Variants in CLEC16A observed in about 807,000 individuals in gnomAD.
CLEC16A encodes the protein protein CLEC16A.
A neutral mutation model predicts 109.5 loss-of-function variants in CLEC16A; 51 were observed. That is an observed-to-expected ratio of 0.47 (90% CI 0.37 to 0.59). The LOEUF is 0.59. Among genes scored for constraint, CLEC16A ranks in the 20% least tolerant of loss-of-function variants. CLEC16A has a pLI of 0.00. For synonymous variants in CLEC16A, 673 were observed against 564.2 expected (o/e 1.19, Z -2.73); for missense variants, 1,339 against 1,394.0 (o/e 0.96, Z 0.63).
intron 19 of CLEC16A, among the ~76,000 whole-genome samples, chr16:11,116,397 AAAAAGAAAAG>A (rs139087445): frequency 0.22 from 32,975 of 151,522 alleles, 3,624 homozygotes; most frequent in East Asian, 0.27. Context: ...TGTCTAAAAG[AAAAAGAAAAG>A]AAAAAAAAAG....
At chr16:10,945,079 A>T (rs1259455803) in intron 1 of CLEC16A, among the ~76,000 whole-genome samples, 1 of 152,218 alleles carries the variant, frequency 6.6e-6, no homozygotes, top group Admixed American at 6.5e-5. Context: ...ATGGACACAG[A>T]CTTTGTTCTT....
chr16:10,963,616 G>C (rs1419074149), intron 3 of CLEC16A, among the ~76,000 whole-genome samples: 1 of 152,204 alleles, frequency 6.6e-6, no homozygotes, highest in East Asian at 1.9e-4. Context: ...CCCAGCTAGT[G>C]AGTGTGTGAC....
At chr16:11,099,133 C>T (rs2152980472) in intron 19 of CLEC16A, among the ~76,000 whole-genome samples, 1 of 152,258 alleles carries the variant, frequency 6.6e-6, no homozygotes, top group East Asian at 1.9e-4. Context: ...CAGAGCGCCC[C>T]ATTCCTTCCA....
At chr16:11,159,527 A>T (rs1230339576) in intron 22 of CLEC16A, among the ~76,000 whole-genome samples, 2 of 152,266 alleles carry the variant, frequency 1.3e-5, no homozygotes, top group Admixed American at 6.5e-5. Context: ...CATCTCATGT[A>T]TAAATTGGAG....
At chr16:10,969,051 C>A in intron 3 of CLEC16A, 110 bp from the exon 4 acceptor site, 2 of 844,990 alleles carry the variant, frequency 2.4e-6, no homozygotes, top group Non-Finnish European at 3.6e-6. Flanking sequence ...TTAATCCCAG[C>A]AACCCAGAGG....
intron 22 of CLEC16A, among the ~76,000 whole-genome samples, chr16:11,157,773 C>T (rs1022613811): frequency 1.3e-5 from 2 of 152,244 alleles, no homozygotes; most frequent in African/African-American, 4.8e-5. Context: ...GCCCCCAACA[C>T]GTGCTCTTTG....
chr16:11,075,093 G>GA (rs1168659811), intron 19 of CLEC16A, among the ~76,000 whole-genome samples: 1 of 152,114 alleles, frequency 6.6e-6, no homozygotes, highest in African/African-American at 2.4e-5. Context: ...CCTATCTCAA[G>GA]AAAAAATATC....
At chr16:11,075,073 C>T (rs765567497) in intron 19 of CLEC16A, among the ~76,000 whole-genome samples, 1 of 152,130 alleles carries the variant, frequency 6.6e-6, no homozygotes, top group African/African-American at 2.4e-5. Flanking sequence ...CCTGGGCAAT[C>T]GAGCAAGACC....
intron 9 of CLEC16A, among the ~76,000 whole-genome samples, chr16:10,981,675 A>G (rs527658878): frequency 6.6e-6 from 1 of 152,218 alleles, no homozygotes; most frequent in Non-Finnish European, 1.5e-5. Flanking sequence ...TTTTTTAAAC[A>G]ACGTTTTTTA....
intron 23 of CLEC16A, among the ~76,000 whole-genome samples, chr16:11,167,632 C>G (rs929648575): frequency 1.4e-4 from 22 of 152,206 alleles, no homozygotes; most frequent in African/African-American, 5.3e-4. Flanking sequence ...CACCCCAACC[C>G]ACCTGTGTCT....
intron 22 of CLEC16A, among the ~76,000 whole-genome samples, chr16:11,158,437 T>C (rs1473892811): frequency 6.6e-6 from 1 of 152,216 alleles, no homozygotes; most frequent in Non-Finnish European, 1.5e-5. Context: ...AGGTTTTTCT[T>C]AGGGCAGGCA....
At chr16:11,158,924 A>G (rs77471423) in intron 22 of CLEC16A, among the ~76,000 whole-genome samples, 2,308 of 75,310 alleles carry the variant, frequency 0.031, 50 homozygotes, top group African/African-American at 0.11. Context: ...CAGCTCAGGG[A>G]AAAAAAAAAA....
chr16:11,027,812 A>G (rs1434030623), intron 13 of CLEC16A: 3 of 812,496 alleles, frequency 3.7e-6, no homozygotes, highest in African/African-American at 3.4e-5. Context: ...AAGTGGAAGC[A>G]TGTGTTTTGT....
chr16:11,017,634 T>C (rs374170950), intron 11 of CLEC16A, among the ~76,000 whole-genome samples: 2 of 152,166 alleles, frequency 1.3e-5, no homozygotes, highest in East Asian at 3.9e-4. Context: ...TGGCCAAGTA[T>C]TGGAGATTAA....
At chr16:10,978,641 T>C (rs1042026151) in intron 8 of CLEC16A, among the ~76,000 whole-genome samples, 2 of 152,164 alleles carry the variant, frequency 1.3e-5, no homozygotes, top group Non-Finnish European at 2.9e-5. Flanking sequence ...TTTCCTCTTA[T>C]TTCCTGAGAG....
At chr16:11,120,811 A>AAC (rs3217121) in intron 20 of CLEC16A, 45 bp downstream of exon 20, 189,928 of 929,066 alleles carry the variant, frequency 0.2, 6,740 homozygotes, top group Non-Finnish European at 0.22. Flanking sequence ...GTTGGCTACA[A>AAC]ACACACACAC....
intron 22 of CLEC16A, among the ~76,000 whole-genome samples, chr16:11,159,577 A>C (rs2054647302): frequency 1.3e-5 from 2 of 152,260 alleles, no homozygotes; most frequent in South Asian, 4.1e-4. Context: ...GGGCTGTCAT[A>C]GGGCGTTATC....
chr16:11,110,010 A>T (rs1448695049), intron 19 of CLEC16A, among the ~76,000 whole-genome samples: 1 of 152,194 alleles, frequency 6.6e-6, no homozygotes, highest in Non-Finnish European at 1.5e-5. Context: ...TGGCATCCGT[A>T]TTTTATTGTG....
At chr16:10,972,383 C>A in intron 5 of CLEC16A, 171 bp from the exon 6 acceptor site, 1 of 615,708 alleles carries the variant, frequency 1.6e-6, no homozygotes, top group Non-Finnish European at 2.9e-6. Flanking sequence ...CTGCTGCCTC[C>A]TGCTCTGTTT....
Sources: allele counts gnomAD v4.1 joint callset (sites outside exome capture counted in the v4.1 genomes callset), GRCh38; gene constraint gnomAD v4.1.1; transcripts MANE v1.5; gene names NCBI Gene and HGNC (gene_info 2026-07-23, HGNC 2026-07-21).